Variants in MTMR6 observed in about 807,000 individuals in gnomAD.
MTMR6 encodes phosphatidylinositol-3,5-bisphosphate 3-phosphatase MTMR6.
In MTMR6, 47 loss-of-function variants were observed where a neutral mutation model predicts 80.1. That is an observed-to-expected ratio of 0.59 (90% confidence interval 0.46 to 0.75). The LOEUF (loss-of-function observed/expected upper bound fraction) is 0.75. Ranked by LOEUF, MTMR6 falls within the 30% of genes least tolerant of loss-of-function variation. MTMR6 has a pLI of 0.00. For synonymous variants in MTMR6, 254 were observed against 253.0 expected (o/e 1.00, Z -0.04); for missense variants, 629 against 730.9 (o/e 0.86, Z 1.61).
At chr13:25,261,864 T>A in intron 5 of MTMR6, 62 bp from the exon 6 acceptor site, 3 of 1,466,956 alleles carry the variant, frequency 2.0e-6, no homozygotes, top group African/African-American at 1.4e-5. Flanking sequence ...TTAAAGATGC[T>A]TACAAGAAAA....
intron 1 of MTMR6, among the ~76,000 whole-genome samples, chr13:25,285,895 T>G (rs1314969947): frequency 6.6e-6 from 1 of 152,106 alleles, no homozygotes; most frequent in Admixed American, 6.6e-5. Context: ...TAGAGGAGCT[T>G]CGAACTGATG....
intron 11 of MTMR6, 79 bp downstream of exon 11, chr13:25,253,682 TTTA>T: frequency 8.4e-7 from 1 of 1,192,716 alleles, no homozygotes; most frequent in Non-Finnish European, 1.2e-6. Context: ...GTCAAGATAT[TTTA>T]TTAAGTTTCA....
intron 1 of MTMR6, among the ~76,000 whole-genome samples, chr13:25,278,123 C>T (rs1957766280): frequency 6.6e-6 from 1 of 152,208 alleles, no homozygotes; most frequent in African/African-American, 2.4e-5. Flanking sequence ...ACCTGCTCAT[C>T]TTATGCAACT....
chr13:25,280,298 C>T (rs1593158311), intron 1 of MTMR6, among the ~76,000 whole-genome samples: 1 of 152,196 alleles, frequency 6.6e-6, no homozygotes, highest in Non-Finnish European at 1.5e-5. Context: ...CATACAACTG[C>T]TTCAATGGGT....
intron 11 of MTMR6, 27 bp from the exon 12 acceptor site, chr13:25,252,011 A>C: frequency 1.3e-6 from 2 of 1,596,150 alleles, no homozygotes; most frequent in Non-Finnish European, 1.7e-6. Flanking sequence ...AAACACAGAG[A>C]TCTTTCCTAT....
Position 25,251,615 on chromosome 13 carries a change from A to G in MTMR6, c.1605+34T>C. The G allele has an allele frequency of 7.0e-7, 1 of 1,426,134 alleles. No homozygotes were observed. Among genetic ancestry groups the G allele is most frequent in the Non-Finnish European group, 9.7e-7 (1 of 1,034,662 alleles). 88.3% of individuals were successfully genotyped at this position (1,426,134 alleles called of 1,614,324 possible). ...TAGTCTAATCGTAAACTAATTTCAC[A>G]TTCCAAATATATTAGATACTTCAGA... On this transcript the variant is annotated intron_variant, in intron 13 of 13. Transcript: ENST00000381801. This position sits in a 1 kb window ranked among gnomAD's most constrained non-coding sequence, Gnocchi z 4.1.
intron 2 of MTMR6, among the ~76,000 whole-genome samples, chr13:25,270,593 A>G (rs533490279): frequency 6.6e-6 from 1 of 152,300 alleles, no homozygotes; most frequent in South Asian, 2.1e-4. Flanking sequence ...AGTGGATGAT[A>G]ATATGACTAA....
intron 1 of MTMR6, among the ~76,000 whole-genome samples, chr13:25,282,611 CT>C (rs778665309): frequency 1.3e-3 from 166 of 128,996 alleles, no homozygotes; most frequent in Middle Eastern, 7.5e-3. Context: ...TTTCTTTTTT[CT>C]TTTTTTTTTT....
chr13:25,285,566 G>A (rs974248439), intron 1 of MTMR6, among the ~76,000 whole-genome samples: 36 of 149,792 alleles, frequency 2.4e-4, no homozygotes, highest in Admixed American at 1.6e-3. Context: ...ACTGAGTCCC[G>A]CTCTATTGCC....
intron 2 of MTMR6, among the ~76,000 whole-genome samples, chr13:25,268,895 C>T (rs1266188663): frequency 1.3e-5 from 2 of 152,202 alleles, no homozygotes; most frequent in Non-Finnish European, 2.9e-5. Context: ...ACCCCCTCCC[C>T]CTGCAGGTTC....
chr13:25,253,216 G>A (rs1375243331), intron 11 of MTMR6, among the ~76,000 whole-genome samples: 3 of 152,150 alleles, frequency 2.0e-5, no homozygotes, highest in Non-Finnish European at 4.4e-5. Flanking sequence ...GGACGGACAC[G>A]CTGCAGCCAA....
At position 25,258,643 on chromosome 13, in the gene MTMR6, T is replaced by G; in HGVS notation, c.776A>C (p.Asp259Ala). 6.3e-7 allele frequency: 1 copy of G among 1,596,656 alleles called. No homozygotes were observed. Among genetic ancestry groups the G allele is most frequent in the African/African-American group, 1.4e-5 (1 of 74,032 alleles). The part of the protein sequence containing the change: ...RAAGKGYENE[D>A]NYSNIRFQFV... ...CTGAAATCTAATATTGGAATAGTTG[T>G]CTTCATTTTCATAACCTTTTCCAGC... is the stretch of plus-strand genomic sequence containing the variant. Residue 259 changes from aspartate to alanine, a missense_variant, in exon 7 of 14, where the codon GAC becomes GCC. Asp to Ala is a moderately radical substitution (Grantham distance 126). Transcript: ENST00000381801.
At chr13:25,282,754 C>T (rs1593159542) in intron 1 of MTMR6, among the ~76,000 whole-genome samples, 2 of 151,532 alleles carry the variant, frequency 1.3e-5, no homozygotes, top group South Asian at 2.1e-4. Context: ...TACAGGTGCC[C>T]GCCACCATGC....
At chr13:25,259,779 C>T (rs1957291367) in intron 6 of MTMR6, among the ~76,000 whole-genome samples, 1 of 152,012 alleles carries the variant, frequency 6.6e-6, no homozygotes. Context: ...AAAAGTGTTC[C>T]AGAATTTTTC....
At chr13:25,268,815 C>T (rs760439410) in intron 2 of MTMR6, among the ~76,000 whole-genome samples, 6 of 152,108 alleles carry the variant, frequency 3.9e-5, no homozygotes, top group Non-Finnish European at 1.5e-5. Flanking sequence ...GCCACACTCC[C>T]GGGCACAGCT....
chr13:25,260,782 G>A (rs1371331713), intron 6 of MTMR6: 1 of 495,742 alleles, frequency 2.0e-6, no homozygotes, highest in Non-Finnish European at 2.8e-6. Flanking sequence ...GTTTAACTAT[G>A]TTAATAAAAA....
Position 25,275,802 on chromosome 13 carries a change from G to A in MTMR6, c.25-1615C>T, listed in dbSNP as rs922847837. The stretch of plus-strand genomic sequence containing the variant: ...CTTGAATCTGGGGGTCAGAGGTTGC[G>A]GTGAGCCAAGATTGCACCACTGCAC... On this transcript the variant is annotated intron_variant, in intron 1 of 13. Transcript: ENST00000381801. Among the ~76,000 whole-genome samples, 8 of 148,322 alleles carry A rather than the reference G, an allele frequency of 5.4e-5. No homozygotes were observed. In the East Asian group the frequency reaches 6.2e-4, roughly 11 times the overall value.
chr13:25,267,942 C>A lies in MTMR6; in HGVS notation c.142-1G>T. ...CTGAGGCAATATGGTGGTGTAATAT[C>A]TACAGCATGAAAAAACATCCAGGTC... On this transcript the variant is annotated splice_acceptor_variant, in intron 2 of 13. Transcript: ENST00000381801. LOFTEE classifies it high-confidence loss of function. The A allele has an allele frequency of 6.3e-7, 1 of 1,587,616 alleles. No individual in the cohort carries two copies. The highest frequency in any genetic ancestry group is 8.6e-7 in the Non-Finnish European group (1 of 1,168,202).
intron 3 of MTMR6, among the ~76,000 whole-genome samples, chr13:25,267,023 G>A (rs1324521774): frequency 6.6e-6 from 1 of 152,132 alleles, no homozygotes. Flanking sequence ...GCCGAGGAGG[G>A]TGGATCACAA....
Sources: gnomAD v4.1 joint callset for allele counts (sites outside exome capture counted in the v4.1 genomes callset) on GRCh38, gnomAD v4.1.1 for gene constraint, Gnocchi (gnomAD v3.1) non-coding constraint, MANE v1.5 for transcripts, NCBI Gene and HGNC (gene_info 2026-07-23, HGNC 2026-07-21) for gene names.